CCDC167: variants seen among roughly 807,000 people sequenced by gnomAD.
CCDC167 encodes coiled-coil domain-containing protein 167.
Under a neutral mutation model 12.7 loss-of-function variants are expected in CCDC167, and 15 were observed. The ratio of observed to expected loss-of-function variants is 1.18; its 90% CI spans 0.79 to 1.81. The LOEUF (loss-of-function observed/expected upper bound fraction) is 1.81. CCDC167 is among the 40% of genes most tolerant of loss of function. CCDC167 has a pLI of 0.00. For synonymous variants in CCDC167, 52 were observed against 49.0 expected (o/e 1.06, Z -0.26); for missense variants, 121 against 120.1 (o/e 1.01, Z -0.03).
chr6:37,497,068 C>T (rs143459661), intron 1 of CCDC167, among the ~76,000 whole-genome samples: 2 of 152,212 alleles, frequency 1.3e-5, no homozygotes, highest in Non-Finnish European at 2.9e-5. Flanking sequence ...GTACTCTAGA[C>T]CAGGAGTTGG....
intron 1 of CCDC167, among the ~76,000 whole-genome samples, chr6:37,486,232 G>A (rs1437343971): frequency 2.6e-5 from 4 of 152,196 alleles, no homozygotes; most frequent in Non-Finnish European, 5.9e-5. Flanking sequence ...TCCATTTCAC[G>A]AATGGAAGAA....
chr6:37,489,122 G>GCTA (rs1761982269), intron 1 of CCDC167, among the ~76,000 whole-genome samples: 1 of 152,224 alleles, frequency 6.6e-6, no homozygotes, highest in African/African-American at 2.4e-5. Context: ...TGTAGTCCCA[G>GCTA]CTACTCAGGA....
intron 1 of CCDC167, among the ~76,000 whole-genome samples, chr6:37,486,587 C>G (rs998744922): frequency 6.6e-5 from 10 of 152,230 alleles, no homozygotes; most frequent in African/African-American, 2.4e-4. Flanking sequence ...GCAGCCCCAC[C>G]ATGGCCACCT....
chr6:37,487,852 T>G (rs1445640517), intron 1 of CCDC167, among the ~76,000 whole-genome samples: 2 of 152,246 alleles, frequency 1.3e-5, no homozygotes, highest in African/African-American at 4.8e-5. Flanking sequence ...ATTCCCACTT[T>G]CATTTGCCAC....
At chr6:37,484,896 C>T in intron 2 of CCDC167, 34 bp from the exon 3 acceptor site, 2 of 1,613,730 alleles carry the variant, frequency 1.2e-6, no homozygotes, top group Non-Finnish European at 1.7e-6. Flanking sequence ...GGACCAAACC[C>T]TTTTCCTTTT....
chr6:37,482,944 T>G lies in CCDC167; in HGVS notation c.*242A>C, dbSNP rs1297497309. ...ATTTACTCAGCAGACGGGAACAGCT[T>G]TGTGTTCTTTATTGCCTCTCCCTTG... is the stretch of plus-strand genomic sequence containing the variant. On this transcript the variant is annotated 3_prime_UTR_variant, in exon 4 of 4. Transcript: ENST00000373408. 1 of 546,786 alleles carries G rather than the reference T, an allele frequency of 1.8e-6. No homozygotes were observed. Among genetic ancestry groups the G allele is most frequent in the Non-Finnish European group, 3.4e-6 (1 of 292,140 alleles). The allele number at this position is 546,786 out of a possible 1,614,324, so 33.9% of individuals were successfully genotyped here.
intron 3 of CCDC167, among the ~76,000 whole-genome samples, chr6:37,483,754 C>T (rs1182634749): frequency 6.6e-6 from 1 of 152,234 alleles, no homozygotes; most frequent in East Asian, 1.9e-4. Context: ...CCACGTGTTT[C>T]CTGAGTCCCT....
chr6:37,498,592 C>T (rs1026650681), intron 1 of CCDC167, among the ~76,000 whole-genome samples: 2 of 151,728 alleles, frequency 1.3e-5, no homozygotes, highest in African/African-American at 2.4e-5. Context: ...GAGGCTAAGG[C>T]GGGCGGGCAG....
chr6:37,487,144 T>TA (rs1761953183), intron 1 of CCDC167, among the ~76,000 whole-genome samples: 1 of 152,168 alleles, frequency 6.6e-6, no homozygotes, highest in African/African-American at 2.4e-5. Flanking sequence ...TCCCAAACTC[T>TA]AGGGGTCTCT....
chr6:37,486,465 G>A (rs927151479), intron 1 of CCDC167, among the ~76,000 whole-genome samples: 4 of 152,062 alleles, frequency 2.6e-5, no homozygotes, highest in African/African-American at 9.7e-5. Context: ...CAAGTCTCTG[G>A]GCCTTCTGTC....
At chr6:37,491,023 G>A (rs1301054072) in intron 1 of CCDC167, among the ~76,000 whole-genome samples, 5 of 152,188 alleles carry the variant, frequency 3.3e-5, no homozygotes, top group Non-Finnish European at 7.3e-5. Flanking sequence ...AAGAGAAACT[G>A]TAAAATTCGT....
At chr6:37,483,992 TA>T (rs1186178034) in intron 3 of CCDC167, among the ~76,000 whole-genome samples, 1 of 152,192 alleles carries the variant, frequency 6.6e-6, no homozygotes, top group African/African-American at 2.4e-5. Flanking sequence ...GAAGGGAAAC[TA>T]ATGTCCCATC....
rs901260072 is a variant in CCDC167 at position 37,498,732 on chromosome 6, C to T, written c.42+1090G>A. On this transcript the variant is annotated intron_variant, in intron 1 of 3. Coordinates refer to ENST00000373408, the MANE Select transcript of CCDC167 (RefSeq NM_138493.3). ...CCCAGCTACTCGGGAGGCTGAGGCA[C>T]GAGAATCGCTTGAACCCAGAAGGCA... 6.6e-5 allele frequency among the ~76,000 whole-genome samples: 10 copies of T among 151,796 alleles called. No homozygotes were observed. The South Asian group carries it at 1.5e-3, about 22-fold the overall frequency.
At chr6:37,484,920 G>A (rs1581762416) in intron 2 of CCDC167, 58 bp from the exon 3 acceptor site, 1 of 1,604,712 alleles carries the variant, frequency 6.2e-7, no homozygotes, top group Non-Finnish European at 8.5e-7. Context: ...CACCCGAGGG[G>A]CAGCTGGCAT....
intron 1 of CCDC167, among the ~76,000 whole-genome samples, chr6:37,489,408 A>AACAGGCC (rs1368706081): frequency 2.0e-5 from 3 of 152,278 alleles, no homozygotes; most frequent in Admixed American, 6.5e-5. Flanking sequence ...TCAGAACAAC[A>AACAGGCC]ACAGGCCACA....
intron 1 of CCDC167, among the ~76,000 whole-genome samples, chr6:37,486,152 A>G (rs1198964630): frequency 1.3e-5 from 2 of 152,112 alleles, no homozygotes; most frequent in Admixed American, 6.5e-5. Context: ...GGAGCCCCAT[A>G]ATGCTCCATT....
At chr6:37,486,843 C>G (rs1257628070) in intron 1 of CCDC167, among the ~76,000 whole-genome samples, 1 of 152,014 alleles carries the variant, frequency 6.6e-6, no homozygotes, top group African/African-American at 2.4e-5. Context: ...CCCAGTGCCT[C>G]AGGCCACCAT....
intron 3 of CCDC167, 36 bp downstream of exon 3, chr6:37,484,774 G>A: frequency 6.2e-7 from 1 of 1,613,562 alleles, no homozygotes; most frequent in Non-Finnish European, 8.5e-7. Context: ...CTGGGGACTG[G>A]AGGCTGGGGC....
intron 1 of CCDC167, among the ~76,000 whole-genome samples, chr6:37,497,772 G>A (rs1354205529): frequency 6.6e-6 from 1 of 152,018 alleles, no homozygotes; most frequent in Non-Finnish European, 1.5e-5. Flanking sequence ...AGGTGGGGGT[G>A]AACACTTGAA....
Sources: allele counts gnomAD v4.1 joint callset (sites outside exome capture counted in the v4.1 genomes callset), GRCh38; gene constraint gnomAD v4.1.1; transcripts MANE v1.5; gene names NCBI Gene and HGNC (gene_info 2026-07-23, HGNC 2026-07-21).